Variants in MKRN2OS observed in about 807,000 individuals in gnomAD.
The protein encoded by MKRN2OS is MKRN2 opposite strand protein.
A neutral mutation model predicts 18.2 loss-of-function variants in MKRN2OS; 17 were observed. That is an observed-to-expected ratio of 0.93 (90% CI 0.64 to 1.40). The LOEUF (loss-of-function observed/expected upper bound fraction) is 1.40, where lower values mean the gene tolerates loss of function less well. MKRN2OS is among the 40% of genes most tolerant of loss of function. MKRN2OS has a pLI of 0.00. For missense variants in MKRN2OS, 337 were observed against 283.0 expected (o/e 1.19, Z -1.37); for synonymous variants, 121 against 108.5 (o/e 1.12, Z -0.72).
intron 1 of MKRN2OS, chr3:12,556,994 C>A: frequency 1.2e-6 from 1 of 816,664 alleles, no homozygotes; most frequent in Non-Finnish European, 1.6e-6. Context: ...CTAGGTTACC[C>A]GCCGGCGCTA....
At chr3:12,552,889 G>A (rs1183060285), downstream of MKRN2OS, among the ~76,000 whole-genome samples, 2 of 151,748 alleles carry the variant, frequency 1.3e-5, no homozygotes, top group Non-Finnish European at 2.9e-5. Flanking sequence ...CAGGAGTGGT[G>A]GAGCATGCCT....
chr3:12,557,430 G>T (rs1218587259), intron 1 of MKRN2OS, among the ~76,000 whole-genome samples: 1 of 152,270 alleles, frequency 6.6e-6, no homozygotes, highest in African/African-American at 2.4e-5. Context: ...GCCCCTGTGG[G>T]CTGGGAGGAA....
chr3:12,543,136 T>C (rs12493091), intron 2 of MKRN2OS, 44 bp downstream of exon 2: 19,287 of 1,466,098 alleles, frequency 0.013, 186 homozygotes, highest in Admixed American at 0.039. Flanking sequence ...TGCTTTCCTT[T>C]TGCTGGGTAG....
downstream of MKRN2OS, among the ~76,000 whole-genome samples, chr3:12,551,032 A>G (rs1390825356): frequency 2.0e-5 from 3 of 151,896 alleles, no homozygotes; most frequent in Admixed American, 6.6e-5. Flanking sequence ...ATAGGAATCC[A>G]CCCATCGGTG....
upstream of MKRN2OS, among the ~76,000 whole-genome samples, chr3:12,549,545 TTTTG>T (rs1299411011): frequency 1.7e-5 from 1 of 59,728 alleles, no homozygotes; most frequent in Non-Finnish European, 3.4e-5. Flanking sequence ...ACCCAGCCTG[TTTTG>T]TTTTATTTTA....
In MKRN2OS at chr3:12,540,103, C is replaced by A; in HGVS notation, c.*90G>T. The A allele has an allele frequency of 6.6e-7, 1 of 1,504,770 alleles. No homozygotes were observed. The highest frequency in any genetic ancestry group is 8.9e-7 in the Non-Finnish European group (1 of 1,124,498). 93.2% of individuals were successfully genotyped at this position (1,504,770 alleles called of 1,614,324 possible). A position where few individuals can be genotyped will look rare whatever the true frequency, so the allele number is the denominator to read the frequency against. ...CCCGGCCCATACACGCTTTTATTAA[C>A]CACAGTTAAATGCATTTAGAAATCC... On this transcript the variant is annotated 3_prime_UTR_variant, in exon 4 of 4. Coordinates refer to ENST00000564146, the MANE Select transcript of MKRN2OS (RefSeq NM_001195279.2).
chr3:12,544,683 G>GA (rs34704258), intron 1 of MKRN2OS, among the ~76,000 whole-genome samples: 87,108 of 147,456 alleles, frequency 0.59, 28,398 homozygotes, highest in African/African-American at 0.88. Context: ...CTGTCTCGGG[G>GA]AAAAAAAAAA....
At chr3:12,547,405 T>G (rs1559382311), upstream of MKRN2OS, among the ~76,000 whole-genome samples, 6 of 150,718 alleles carry the variant, frequency 4.0e-5, 1 homozygote, top group Admixed American at 3.3e-4. Context: ...TTAGCCAGAT[T>G]TGGTGGTGTG....
chr3:12,547,566 T>C (rs1256134482), upstream of MKRN2OS, among the ~76,000 whole-genome samples: 1 of 152,142 alleles, frequency 6.6e-6, no homozygotes, highest in Non-Finnish European at 1.5e-5. Flanking sequence ...AATATTGTTA[T>C]ATTGTATACT....
Position 12,539,835 on chromosome 3 carries a change from G to A in MKRN2OS, c.*358C>T, listed in dbSNP as rs1476601279. ...AGTTTCACTCTTGTTGCCCAGGCTGGAGTGCAATGGCACGATCTCAACTCA... is the reference window on the plus strand; with the variant it reads ...AGTTTCACTCTTGTTGCCCAGGCTGAAGTGCAATGGCACGATCTCAACTCA... On this transcript the variant is annotated 3_prime_UTR_variant, in exon 4 of 4. Coordinates refer to ENST00000564146, the MANE Select transcript of MKRN2OS (RefSeq NM_001195279.2). 5 of 221,334 alleles carry A rather than the reference G, an allele frequency of 2.3e-5. No homozygotes were observed. Among genetic ancestry groups the A allele is most frequent in the Non-Finnish European group, 4.6e-5 (5 of 109,030 alleles). 13.7% of individuals were successfully genotyped at this position (221,334 alleles called of 1,614,324 possible).
chr3:12,542,078 A>T, intron 2 of MKRN2OS, 56 bp from the exon 3 acceptor site: 5 of 1,477,604 alleles, frequency 3.4e-6, no homozygotes, highest in Non-Finnish European at 4.5e-6. Context: ...ACCTCTGTGA[A>T]AAAGAGACAT....
downstream of MKRN2OS, among the ~76,000 whole-genome samples, chr3:12,553,117 C>A (rs1379318917): frequency 6.6e-6 from 1 of 151,776 alleles, no homozygotes; most frequent in Non-Finnish European, 1.5e-5. Context: ...AAATTAATAC[C>A]CATATTACAC....
chr3:12,552,203 C>T (rs2057934777), downstream of MKRN2OS, among the ~76,000 whole-genome samples: 1 of 151,130 alleles, frequency 6.6e-6, no homozygotes, highest in Admixed American at 6.6e-5. Flanking sequence ...CCTGTAATCC[C>T]AGCTACTTGG....
upstream of MKRN2OS, among the ~76,000 whole-genome samples, chr3:12,548,686 C>T (rs1247087502): frequency 6.6e-6 from 1 of 152,010 alleles, no homozygotes; most frequent in Admixed American, 6.6e-5. Flanking sequence ...CTTCAGTGAC[C>T]CAAGCCACTT....
chr3:12,554,063 T>C (rs2057948352), exon 2 of MKRN2OS: 1 of 152,266 alleles, frequency 6.6e-6, no homozygotes, highest in Non-Finnish European at 1.5e-5. Context: ...CTCTTCTGTT[T>C]TCTCAGCTTC....
chr3:12,552,042 G>A (rs1353230383), downstream of MKRN2OS, among the ~76,000 whole-genome samples: 1 of 151,402 alleles, frequency 6.6e-6, no homozygotes, highest in Non-Finnish European at 1.5e-5. Flanking sequence ...AAAGAAGGCT[G>A]GGCACGGTGG....
rs189101340 is a variant in MKRN2OS, at chr3:12,540,520, G to A, written c.432-87C>T. 1.3e-5 allele frequency: 19 copies of A among 1,491,038 alleles called. No individual in the cohort carries two copies. The East Asian group carries it at 1.5e-4, about 12-fold the overall frequency. 92.4% of individuals were successfully genotyped at this position (1,491,038 alleles called of 1,614,324 possible). A position where few individuals can be genotyped will look rare whatever the true frequency, so the allele number is the denominator to read the frequency against. On this transcript the variant is annotated intron_variant, in intron 3 of 3. Transcript: ENST00000564146. ...CTGAAGGCCTTTCCTAACTGAAATC[G>A]GGTGCCTCAGCAAGCAAGGCCCCTG...
chr3:12,550,711 C>T (rs879908858), downstream of MKRN2OS, among the ~76,000 whole-genome samples: 1 of 152,156 alleles, frequency 6.6e-6, no homozygotes, highest in Non-Finnish European at 1.5e-5. Context: ...TGCCTTATGC[C>T]CCTCAGTCGA....
chr3:12,543,409 A>G (rs1327525142), intron 1 of MKRN2OS, among the ~76,000 whole-genome samples, 180 bp from the exon 2 acceptor site: 1 of 151,998 alleles, frequency 6.6e-6, no homozygotes, highest in Non-Finnish European at 1.5e-5. Context: ...CAACATGGCA[A>G]GACCCCATCT....
Sources: gnomAD v4.1 joint callset for allele counts (sites outside exome capture counted in the v4.1 genomes callset) on GRCh38, gnomAD v4.1.1 for gene constraint, MANE v1.5 for transcripts, NCBI Gene and HGNC (gene_info 2026-07-23, HGNC 2026-07-21) for gene names.